The following NELL1 variants were observed in gnomAD, a reference collection of about 807,000 sequenced individuals.
The protein encoded by NELL1 is protein kinase C-binding protein NELL1.
In NELL1, 76 loss-of-function variants were observed where a neutral mutation model predicts 107.4. The observed-to-expected ratio is 0.71, with a 90% confidence interval of 0.59 to 0.86. The LOEUF (loss-of-function observed/expected upper bound fraction) is 0.86. NELL1 is among the 40% of genes least tolerant of loss of function. The pLI is 0.00. For synonymous variants in NELL1, 353 were observed against 341.2 expected (o/e 1.03, Z -0.38); for missense variants, 1,024 against 1,005.5 (o/e 1.02, Z -0.25).
At chr11:20,688,947 T>C (rs779882700) in intron 2 of NELL1, among the ~76,000 whole-genome samples, 79 of 152,164 alleles carry the variant, frequency 5.2e-4, no homozygotes, top group Non-Finnish European at 9.1e-4. Flanking sequence ...TTTGACTCTT[T>C]AGTAATAGCC....
intron 2 of NELL1, among the ~76,000 whole-genome samples, chr11:20,716,859 CAG>C (rs1855262757): frequency 6.6e-6 from 1 of 152,216 alleles, no homozygotes; most frequent in South Asian, 2.1e-4. Context: ...AGCAAACACT[CAG>C]TGAGTGTTAA....
chr11:20,709,772 A>G (rs1398193830), intron 2 of NELL1, among the ~76,000 whole-genome samples: 2 of 152,032 alleles, frequency 1.3e-5, no homozygotes, highest in African/African-American at 4.8e-5. Flanking sequence ...GGTTAGGTAT[A>G]TTATTAATAT....
intron 13 of NELL1, among the ~76,000 whole-genome samples, chr11:21,139,026 G>A (rs928173526): frequency 2.0e-5 from 3 of 152,174 alleles, no homozygotes; most frequent in African/African-American, 2.4e-5. Flanking sequence ...CAAGTGGAAC[G>A]TATTGAGGGC....
chr11:21,057,558 A>G (rs1254243896), intron 12 of NELL1, among the ~76,000 whole-genome samples: 1 of 152,032 alleles, frequency 6.6e-6, no homozygotes, highest in African/African-American at 2.4e-5. Flanking sequence ...TTTAACAACA[A>G]GAAACTGGTC....
At chr11:21,223,790 T>C (rs569589471) in intron 13 of NELL1, among the ~76,000 whole-genome samples, 1 of 152,248 alleles carries the variant, frequency 6.6e-6, no homozygotes, top group South Asian at 2.1e-4. Context: ...ACTCAAAAAA[T>C]ATATATTGCC....
At chr11:21,437,438 C>CCTCCTGGGTTG (rs1234142798) in intron 15 of NELL1, among the ~76,000 whole-genome samples, 1 of 152,204 alleles carries the variant, frequency 6.6e-6, no homozygotes, top group African/African-American at 2.4e-5. Flanking sequence ...CGGCTCACCG[C>CCTCCTGGGTTG]AACCTCCGCC....
chr11:21,176,337 T>A (rs1285699451), intron 13 of NELL1, among the ~76,000 whole-genome samples: 1 of 151,794 alleles, frequency 6.6e-6, no homozygotes, highest in African/African-American at 2.4e-5. Context: ...CCCAAGGTAG[T>A]GAGATTGTAA....
chr11:21,125,163 A>G (rs1292182350), intron 13 of NELL1, among the ~76,000 whole-genome samples: 1 of 152,208 alleles, frequency 6.6e-6, no homozygotes, highest in Non-Finnish European at 1.5e-5. Context: ...AAGGGTTTTC[A>G]GAAACAAGGC....
rs1856570717 is a variant in NELL1 at position 21,170,060 on chromosome 11, C to A, written c.1426+56346C>A. 4.5e-6 allele frequency: 5 copies of A among 1,099,636 alleles called. No individual in the cohort carries two copies. The South Asian group carries it at 5.2e-5, about 11-fold the overall frequency. The allele number at this position is 1,099,636 out of a possible 1,614,324, so 68.1% of individuals were successfully genotyped here. On this transcript the variant is annotated intron_variant, in intron 13 of 19. Transcript: ENST00000357134. ...CACAGACCACATCCCTGAGCCTGAACCCAGCCTCTTGGAGTCCAAGTTCTT... is the reference window on the plus strand; with the variant it reads ...CACAGACCACATCCCTGAGCCTGAAACCAGCCTCTTGGAGTCCAAGTTCTT...
chr11:21,534,958 T>G (rs549298980), intron 16 of NELL1, among the ~76,000 whole-genome samples: 31 of 152,268 alleles, frequency 2.0e-4, no homozygotes, highest in Admixed American at 1.9e-3. Context: ...TAATCCTTCA[T>G]CTGTGTATAT....
chr11:21,106,424 G>A (rs1232836736), intron 12 of NELL1, among the ~76,000 whole-genome samples: 1 of 152,100 alleles, frequency 6.6e-6, no homozygotes, highest in East Asian at 1.9e-4. Flanking sequence ...TACTATATAA[G>A]CACTGTTTCT....
chr11:20,678,112 G>T, intron 2 of NELL1, 52 bp downstream of exon 2: 1 of 1,600,594 alleles, frequency 6.2e-7, no homozygotes, highest in Non-Finnish European at 8.6e-7. Flanking sequence ...AGGAGGGTCT[G>T]TCTGGGGAGT....
chr11:20,697,405 T>G (rs12803094), intron 2 of NELL1, among the ~76,000 whole-genome samples: 13,617 of 136,672 alleles, frequency 0.1, 839 homozygotes, highest in Non-Finnish European at 0.14. Context: ...CTTTTTTTTT[T>G]TTTTTTCCTG....
At chr11:20,687,058 T>C (rs965584735) in intron 2 of NELL1, among the ~76,000 whole-genome samples, 1 of 150,506 alleles carries the variant, frequency 6.6e-6, no homozygotes, top group African/African-American at 2.4e-5. Context: ...TTTTTTTTTT[T>C]CAAATTTTTA....
At chr11:20,712,129 G>A (rs768277853) in intron 2 of NELL1, among the ~76,000 whole-genome samples, 5 of 152,014 alleles carry the variant, frequency 3.3e-5, no homozygotes, top group Non-Finnish European at 5.9e-5. Flanking sequence ...ATATATTTTG[G>A]AGGCTTTGTT....
intron 1 of NELL1, chr11:20,670,574 TC>T (rs1853877188): frequency 6.6e-6 from 1 of 152,260 alleles, no homozygotes; most frequent in Admixed American, 6.5e-5. Flanking sequence ...CAGCGCATCT[TC>T]TTCCTTCTGC....
intron 16 of NELL1, among the ~76,000 whole-genome samples, chr11:21,541,247 T>C (rs1293328590): frequency 6.6e-6 from 1 of 152,138 alleles, no homozygotes; most frequent in Non-Finnish European, 1.5e-5. Context: ...CCTTCCATTG[T>C]TATCTGCTTT....
intron 15 of NELL1, among the ~76,000 whole-genome samples, chr11:21,510,037 T>C (rs1423148191): frequency 6.6e-6 from 1 of 152,162 alleles, no homozygotes; most frequent in African/African-American, 2.4e-5. Context: ...ACTGAAAAGC[T>C]CACTGAAATA....
chr11:21,131,531 T>C (rs1855617122), intron 13 of NELL1, among the ~76,000 whole-genome samples: 2 of 152,192 alleles, frequency 1.3e-5, no homozygotes, highest in African/African-American at 4.8e-5. Context: ...AGAAGTACCA[T>C]TAAGTGCTGA....
Sources: allele counts gnomAD v4.1 joint callset (sites outside exome capture counted in the v4.1 genomes callset), GRCh38; gene constraint gnomAD v4.1.1; transcripts MANE v1.5; gene names NCBI Gene and HGNC (gene_info 2026-07-23, HGNC 2026-07-21).